Variants in MARK2 observed in about 807,000 individuals in gnomAD.
MARK2 encodes the protein microtubule affinity regulating kinase 2.
In MARK2, 16 loss-of-function variants were observed where a neutral mutation model predicts 89.8. The ratio of observed to expected loss-of-function variants is 0.18; its 90% CI spans 0.12 to 0.27. The LOEUF (loss-of-function observed/expected upper bound fraction) is 0.27. Ranked by LOEUF, MARK2 falls within the 10% of genes least tolerant of loss-of-function variation. The pLI is 1.00. For missense variants in MARK2, 621 were observed against 1,049.9 expected (o/e 0.59, Z 5.65); for synonymous variants, 382 against 399.5 (o/e 0.96, Z 0.52).
chr11:63,861,920 CTTTCT>C (rs751285782), intron 1 of MARK2, among the ~76,000 whole-genome samples: 11 of 110,106 alleles, frequency 1.0e-4, no homozygotes, highest in Non-Finnish European at 1.7e-4. Flanking sequence ...TTCTTTCTTT[CTTTCT>C]TTTTTTTTTT....
chr11:63,906,035 G>GTTT, intron 16 of MARK2, 53 bp from the exon 17 acceptor site: 5 of 1,214,834 alleles, frequency 4.1e-6, no homozygotes, highest in East Asian at 3.1e-5. Flanking sequence ...CGTCTTGTTG[G>GTTT]TTTTTTTTTT....
rs1176589411 is a variant in MARK2 at position 63,862,190 on chromosome 11, G to T, written c.54+22630G>T. On this transcript the variant is annotated intron_variant, in intron 1 of 18. Transcript: ENST00000402010. The stretch of plus-strand genomic sequence containing the variant: ...TCCACCCATCTCAGCTTCCCAAAGT[G>T]CTGGGATTACAGGCATGAGCCACCA... Among the ~76,000 whole-genome samples the T allele has an allele frequency of 3.9e-5, 6 of 151,980 alleles. 1 individual carries two copies. The highest frequency in any genetic ancestry group is 3.9e-4 in the Admixed American group (6 of 15,262).
In MARK2 at chr11:63,900,524, T is replaced by A. The variant is rs186445204; in HGVS notation, c.769-35T>A. ...TAGGTTTCTTCCTTTGGCCTTGGGG[T>A]GATTTCAATTTTCTAACCCTGGATC... On this transcript the variant is annotated intron_variant, in intron 8 of 18. Transcript: ENST00000402010. This position sits in a 1 kb window ranked among gnomAD's most constrained non-coding sequence, Gnocchi z 4.7. 2 of 1,609,994 alleles carry A rather than the reference T, an allele frequency of 1.2e-6. No homozygotes were observed. The highest frequency in any genetic ancestry group is 2.7e-5 in the African/African-American group (2 of 74,818).
rs776670753 is a variant in MARK2 at position 63,908,857 on chromosome 11, C to G, written c.2007-20C>G. On this transcript the variant is annotated intron_variant, in intron 18 of 18. Transcript: ENST00000402010. ...GGTGCCTCAGCCCCCCCGTGACGCC[C>G]GCCTCTGCCCTCTCCACAGACCTCA... 13 of 1,434,562 alleles carry G rather than the reference C, an allele frequency of 9.1e-6. No individual in the cohort carries two copies. In the Admixed American group the frequency reaches 1.0e-4, roughly 11 times the overall value. The allele number at this position is 1,434,562 out of a possible 1,614,324, so 88.9% of individuals were successfully genotyped here. A position where few individuals can be genotyped will look rare whatever the true frequency, so the allele number is the denominator to read the frequency against.
chr11:63,889,853 G>C (rs768450110), intron 1 of MARK2, among the ~76,000 whole-genome samples: 9 of 152,222 alleles, frequency 5.9e-5, no homozygotes, highest in Non-Finnish European at 1.2e-4. Flanking sequence ...TTTAGGGCCT[G>C]TCTAGAGTAT....
rs756255557 is a variant in MARK2, at chr11:63,909,257, G to A, written c.*20G>A. ...CTTTAACAGGCTGCCAGGAGCGGGG[G>A]CGGCGGGGGCGGGCCAGCTGGACGG... On this transcript the variant is annotated 3_prime_UTR_variant, in exon 19 of 19. Transcript: ENST00000402010. The A allele has an allele frequency of 6.4e-7, 1 of 1,561,248 alleles. No individual in the cohort carries two copies. Among genetic ancestry groups the A allele is most frequent in the Admixed American group, 1.8e-5 (1 of 56,626 alleles).
Position 63,909,143 on chromosome 11 carries a change from T to C in MARK2, c.2273T>C (p.Leu758Pro), listed in dbSNP as rs1941584439. Residue 758 changes from leucine (L) to proline (P), a missense_variant, in exon 19 of 19, where the codon CTC (leucine) becomes CCC (proline). By Grantham distance (98) the Leu-to-Pro change is moderately conservative. Coordinates refer to ENST00000402010, the MANE Select transcript of MARK2 (RefSeq NM_001039469.3). ...WEMEVCKLPRLSLNGVRFKRI... is the reference protein window; with the variant it reads ...WEMEVCKLPRPSLNGVRFKRI... Reference sequence around the variant, plus strand: ...ATGGAGGTGTGCAAACTGCCGCGGCTCTCTCTCAACGGGGTTCGATTTAAG... The same window carrying C: ...ATGGAGGTGTGCAAACTGCCGCGGCCCTCTCTCAACGGGGTTCGATTTAAG... 6.2e-7 allele frequency: 1 copy of C among 1,613,832 alleles called. No individual in the cohort carries two copies. Among genetic ancestry groups the C allele is most frequent in the Admixed American group, 1.7e-5 (1 of 60,002 alleles).
chr11:63,861,551 C>A (rs1390102247), intron 1 of MARK2, among the ~76,000 whole-genome samples: 1 of 152,160 alleles, frequency 6.6e-6, no homozygotes, highest in African/African-American at 2.4e-5. Flanking sequence ...TGGTCCAAGT[C>A]ATTGGGAAAC....
At chr11:63,867,762 C>T (rs1231585463) in intron 1 of MARK2, among the ~76,000 whole-genome samples, 1 of 152,124 alleles carries the variant, frequency 6.6e-6, no homozygotes. Context: ...TGGCTGACGC[C>T]GTGGGCAGGC....
chr11:63,902,131 G>A lies in MARK2; in HGVS notation c.1102-67G>A, dbSNP rs1020658036. 44 of 1,580,880 alleles carry A rather than the reference G, an allele frequency of 2.8e-5. No individual in the cohort carries two copies. Among genetic ancestry groups the A allele is most frequent in the Non-Finnish European group, 3.6e-5 (41 of 1,154,068 alleles). On this transcript the variant is annotated intron_variant, in intron 11 of 18. Coordinates refer to ENST00000402010, the MANE Select transcript of MARK2 (RefSeq NM_001039469.3). This position sits in a 1 kb window ranked among gnomAD's most constrained non-coding sequence, Gnocchi z 4.2. ...TTGGGAGAGGGCGGTATGTGTAAAT[G>A]TGTCCATCCATAGGGATCTCCACAT...
intron 1 of MARK2, among the ~76,000 whole-genome samples, chr11:63,890,634 A>G (rs537276333): frequency 1.2e-4 from 19 of 152,358 alleles, no homozygotes; most frequent in African/African-American, 4.6e-4. Context: ...TTCTGCGGAA[A>G]GGCCCGTAGC....
At chr11:63,844,212 G>C (rs1035483204) in intron 1 of MARK2, among the ~76,000 whole-genome samples, 1 of 152,226 alleles carries the variant, frequency 6.6e-6, no homozygotes, top group African/African-American at 2.4e-5. Flanking sequence ...AGGCACCATG[G>C]CTCATGCCTG....
intron 1 of MARK2, among the ~76,000 whole-genome samples, chr11:63,846,261 A>G (rs1385843547): frequency 6.6e-6 from 1 of 151,860 alleles, no homozygotes; most frequent in South Asian, 2.1e-4. Context: ...TCATATCTGT[A>G]ATCCCAGCAC....
At chr11:63,857,154 C>G (rs948541655) in intron 1 of MARK2, among the ~76,000 whole-genome samples, 1 of 151,308 alleles carries the variant, frequency 6.6e-6, no homozygotes, top group Non-Finnish European at 1.5e-5. Flanking sequence ...TGTTCGTTTT[C>G]TTTCTTTAAT....
intron 16 of MARK2, 74 bp downstream of exon 16, chr11:63,905,117 TG>T: frequency 9.5e-6 from 4 of 421,430 alleles, no homozygotes. Context: ...GGTTGGGGGT[TG>T]GGGGTTGGGG....
At chr11:63,871,098 TTG>T (rs1300881920) in intron 1 of MARK2, among the ~76,000 whole-genome samples, 2 of 152,062 alleles carry the variant, frequency 1.3e-5, no homozygotes, top group African/African-American at 2.4e-5. Flanking sequence ...TCAGTTATGT[TTG>T]TGTGTGTGTA....
chr11:63,898,208 G>A, intron 3 of MARK2, 24 bp from the exon 4 acceptor site: 2 of 1,611,160 alleles, frequency 1.2e-6, no homozygotes, highest in Non-Finnish European at 1.7e-6. Flanking sequence ...GGGCAGGCAT[G>A]ACCCCTGGTA....
At chr11:63,907,880 C>A (rs1300192140) in intron 17 of MARK2, among the ~76,000 whole-genome samples, 1 of 152,242 alleles carries the variant, frequency 6.6e-6, no homozygotes, top group African/African-American at 2.4e-5. Flanking sequence ...ACCTGCAACC[C>A]CCAGAACAGC....
At chr11:63,875,159 C>G (rs752702135) in intron 1 of MARK2, among the ~76,000 whole-genome samples, 108 of 143,804 alleles carry the variant, frequency 7.5e-4, no homozygotes, top group South Asian at 1.7e-3. Context: ...CTCACTCTGT[C>G]ACCCAGGCTT....
Sources: gnomAD v4.1 joint callset for allele counts (sites outside exome capture counted in the v4.1 genomes callset) on GRCh38, gnomAD v4.1.1 for gene constraint, Gnocchi (gnomAD v3.1) non-coding constraint, MANE v1.5 for transcripts, NCBI Gene and HGNC (gene_info 2026-07-23, HGNC 2026-07-21) for gene names.